The following NKAIN1 variants were observed in gnomAD, a reference collection of about 807,000 sequenced individuals.
The protein encoded by NKAIN1 is sodium/potassium transporting ATPase interacting 1.
Under a neutral mutation model 31.6 loss-of-function variants are expected in NKAIN1, and 13 were observed. The observed-to-expected ratio is 0.41, with a 90% CI of 0.27 to 0.65. The LOEUF is 0.65. NKAIN1 is among the 30% of genes least tolerant of loss of function. NKAIN1 has a pLI of 0.30. For missense variants in NKAIN1, 193 were observed against 262.2 expected, an observed-to-expected ratio of 0.74 and a Z score of 1.82; for synonymous variants, 104 against 109.0, an observed-to-expected ratio of 0.95 and a Z score of 0.28.
intron 1 of NKAIN1, among the ~76,000 whole-genome samples, chr1:31,208,496 C>T (rs181513964): frequency 6.6e-6 from 1 of 152,124 alleles, no homozygotes; most frequent in Non-Finnish European, 1.5e-5. Flanking sequence ...TACCCACAGG[C>T]CTTTGCTACC....
intron 3 of NKAIN1, 184 bp downstream of exon 3, chr1:31,185,053 CTCCATCATTG>C (rs1645232198): frequency 1.4e-5 from 8 of 587,890 alleles, no homozygotes; most frequent in Admixed American, 2.9e-5. Flanking sequence ...GCCTTATCTG[CTCCATCATTG>C]TGTTTGAGGA....
intron 1 of NKAIN1, among the ~76,000 whole-genome samples, chr1:31,224,680 C>T (rs568853656): frequency 3.3e-5 from 5 of 152,350 alleles, no homozygotes; most frequent in Non-Finnish European, 7.3e-5. Flanking sequence ...AGCGTAAGTG[C>T]CCTGCCCGGG....
intron 1 of NKAIN1, among the ~76,000 whole-genome samples, chr1:31,208,112 A>G (rs150211683): frequency 6.6e-6 from 1 of 152,298 alleles, no homozygotes; most frequent in Non-Finnish European, 1.5e-5. Flanking sequence ...CATGCCACCG[A>G]TGATGGCTGA....
chr1:31,183,760 C>T (rs1314679894), intron 4 of NKAIN1, 57 bp downstream of exon 4: 2 of 1,543,236 alleles, frequency 1.3e-6, no homozygotes, highest in Non-Finnish European at 1.8e-6. Context: ...TCCCCTCAAC[C>T]AGAGCTAAAG....
chr1:31,189,669 G>A (rs191669879), intron 1 of NKAIN1, among the ~76,000 whole-genome samples: 2 of 152,320 alleles, frequency 1.3e-5, no homozygotes, highest in African/African-American at 4.8e-5. Flanking sequence ...TGGCTTGAGT[G>A]GGGCTGACTC....
At chr1:31,204,189 G>T (rs1645406004) in intron 1 of NKAIN1, among the ~76,000 whole-genome samples, 2 of 152,268 alleles carry the variant, frequency 1.3e-5, no homozygotes, top group East Asian at 3.9e-4. Context: ...GAAGAGATGT[G>T]GCTGGACCTT....
rs190153355 is a variant in NKAIN1, at chr1:31,194,467, C to A, written c.55-6280G>T. Reference sequence around the variant, plus strand: ...CGTCACCCAGGCTGGAGTGCAATGGCGTGATCTCGGCTCACTGCAACCTCC... The same window carrying A: ...CGTCACCCAGGCTGGAGTGCAATGGAGTGATCTCGGCTCACTGCAACCTCC... On this transcript the variant is annotated intron_variant, in intron 1 of 6. Transcript: ENST00000373736. Among the ~76,000 whole-genome samples, 672 of 135,416 alleles carry A rather than the reference C, an allele frequency of 5.0e-3. 9 individuals are homozygous for A. The highest frequency in any genetic ancestry group is 0.018 in the African/African-American group (624 of 35,532). 88.8% of individuals were successfully genotyped at this position (135,416 alleles called of 152,430 possible).
In NKAIN1 at chr1:31,197,850, T is replaced by C. The variant is rs1557653180; in HGVS notation, c.55-9663A>G. ...GCATGAGCCACTGCACCTGGTGGTTTTTTACTTTTTATTTTTATTTTTTTG... is the reference window on the plus strand; with the variant it reads ...GCATGAGCCACTGCACCTGGTGGTTCTTTACTTTTTATTTTTATTTTTTTG... On this transcript the variant is annotated intron_variant, in intron 1 of 6. Transcript: ENST00000373736. 3.9e-5 allele frequency among the ~76,000 whole-genome samples: 6 copies of C among 152,014 alleles called. No individual in the cohort carries two copies. In the South Asian group the frequency reaches 1.2e-3, roughly 32 times the overall value.
intron 1 of NKAIN1, among the ~76,000 whole-genome samples, chr1:31,218,051 T>TCTTC (rs1645529470): frequency 7.1e-6 from 1 of 141,842 alleles, no homozygotes; most frequent in African/African-American, 2.6e-5. Context: ...TTTCTTTCTT[T>TCTTC]CTTTCTTTCT....
chr1:31,197,744 A>C (rs995471307), intron 1 of NKAIN1, among the ~76,000 whole-genome samples: 6 of 148,610 alleles, frequency 4.0e-5, no homozygotes, highest in Non-Finnish European at 8.9e-5. Context: ...ATGGGGTTTC[A>C]CCATGTTGGC....
At chr1:31,231,313 C>G (rs910553350) in intron 1 of NKAIN1, among the ~76,000 whole-genome samples, 1 of 150,934 alleles carries the variant, frequency 6.6e-6, no homozygotes, top group African/African-American at 2.4e-5. Flanking sequence ...CCTTTCCCAG[C>G]CTCTGGTAAT....
chr1:31,236,572 C>G (rs566500126), intron 1 of NKAIN1, among the ~76,000 whole-genome samples: 2 of 152,248 alleles, frequency 1.3e-5, no homozygotes, highest in South Asian at 2.1e-4. Context: ...TTAGTGACAA[C>G]TGGAGGGCCC....
intron 1 of NKAIN1, among the ~76,000 whole-genome samples, chr1:31,198,577 C>T (rs1220133795): frequency 2.0e-5 from 3 of 151,214 alleles, no homozygotes; most frequent in Non-Finnish European, 2.9e-5. Context: ...CATATCTGGC[C>T]ACTTTTTTCC....
rs140756894 is a variant in NKAIN1 at position 31,218,220 on chromosome 1, G to A, written c.54+21274C>T. ...TGGGACTACAGGTGCACACTGCCAT[G>A]CCTGGCTAATTTTTGTATTTTTAGT... On this transcript the variant is annotated intron_variant, in intron 1 of 6. Coordinates refer to ENST00000373736, the MANE Select transcript of NKAIN1 (RefSeq NM_024522.3). 6.5e-3 allele frequency among the ~76,000 whole-genome samples: 989 copies of A among 151,934 alleles called. 58 individuals are homozygous for A. In the East Asian group the frequency reaches 0.13, roughly 20 times the overall value.
intron 1 of NKAIN1, among the ~76,000 whole-genome samples, chr1:31,223,688 C>T (rs932079283): frequency 6.6e-6 from 1 of 152,162 alleles, no homozygotes; most frequent in African/African-American, 2.4e-5. Context: ...TCGTGATTCG[C>T]CTGCCTCGGC....
chr1:31,200,314 C>T (rs1442937624), intron 1 of NKAIN1, among the ~76,000 whole-genome samples: 6 of 152,182 alleles, frequency 3.9e-5, no homozygotes, highest in Non-Finnish European at 1.5e-5. Context: ...GACCAAAAGC[C>T]AGGGAGTTAT....
chr1:31,203,046 G>T (rs1372585096), intron 1 of NKAIN1, among the ~76,000 whole-genome samples: 2 of 149,772 alleles, frequency 1.3e-5, no homozygotes, highest in Admixed American at 1.3e-4. Flanking sequence ...AGCCAAGGTG[G>T]GCGGACTCCT....
chr1:31,202,912 G>T lies in NKAIN1; in HGVS notation c.55-14725C>A, dbSNP rs139663135. The stretch of plus-strand genomic sequence containing the variant: ...GAATCATTTGAACCCAGGAGGTGGA[G>T]GTTGCAGTGAGCTGAGATCACACCA... On this transcript the variant is annotated intron_variant, in intron 1 of 6. Transcript: ENST00000373736. Among the ~76,000 whole-genome samples, 1,120 of 148,890 alleles carry T rather than the reference G, an allele frequency of 7.5e-3. 9 individuals are homozygous for T. Among genetic ancestry groups the T allele is most frequent in the Non-Finnish European group, 0.012 (827 of 67,588 alleles).
At chr1:31,220,010 T>C (rs1569572821) in intron 1 of NKAIN1, among the ~76,000 whole-genome samples, 1 of 150,024 alleles carries the variant, frequency 6.7e-6, no homozygotes, top group Non-Finnish European at 1.5e-5. Flanking sequence ...CAGATTTTTT[T>C]TTTTTTTTTT....
Sources: allele counts gnomAD v4.1 joint callset (sites outside exome capture counted in the v4.1 genomes callset), GRCh38; gene constraint gnomAD v4.1.1; transcripts MANE v1.5; gene names NCBI Gene and HGNC (gene_info 2026-07-23, HGNC 2026-07-21).